MYO16: variants seen among roughly 807,000 people sequenced by gnomAD.
MYO16 encodes myosin XVI, also known as unconventional myosin-XVI.
A neutral mutation model predicts 205.3 loss-of-function variants in MYO16; 94 were observed. The ratio of observed to expected loss-of-function variants is 0.46; its 90% confidence interval spans 0.39 to 0.54. The LOEUF (loss-of-function observed/expected upper bound fraction) is 0.54, where lower values mean the gene tolerates loss of function less well. Among genes scored for constraint, MYO16 ranks in the 20% least tolerant of loss-of-function variants. The pLI is 0.00. For missense variants in MYO16, 2,315 were observed against 2,387.5 expected, an observed-to-expected ratio of 0.97 and a Z score of 0.63; for synonymous variants, 988 against 954.0, an observed-to-expected ratio of 1.04 and a Z score of -0.66.
intron 31 of MYO16, among the ~76,000 whole-genome samples, chr13:109,130,039 C>T (rs9559504): frequency 0.012 from 1,689 of 146,776 alleles, 16 homozygotes; most frequent in African/African-American, 0.034. Flanking sequence ...GATATATATA[C>T]ACACACACAC....
intron 4 of MYO16, among the ~76,000 whole-genome samples, chr13:108,763,372 C>T (rs940162866): frequency 3.9e-5 from 6 of 152,130 alleles, no homozygotes; most frequent in African/African-American, 1.2e-4. Context: ...GGGGATGCCC[C>T]ACCTAGTCTA....
intron 28 of MYO16, among the ~76,000 whole-genome samples, chr13:109,108,050 G>A (rs978683242): frequency 1.3e-5 from 2 of 152,070 alleles, no homozygotes; most frequent in African/African-American, 4.8e-5. Flanking sequence ...AATATTTGGT[G>A]CGTATTCATT....
At chr13:108,806,589 T>C in intron 6 of MYO16, 90 bp from the exon 7 acceptor site, 9 of 1,110,728 alleles carry the variant, frequency 8.1e-6, no homozygotes, top group Non-Finnish European at 1.1e-5. Context: ...ATCCACCATT[T>C]CATTAAGTAG....
At chr13:108,805,930 A>AAATAAATAAATAAATAAATT (rs1887099455) in intron 6 of MYO16, among the ~76,000 whole-genome samples, 1 of 147,718 alleles carries the variant, frequency 6.8e-6, no homozygotes, top group African/African-American at 2.5e-5. Flanking sequence ...CTACCAAAAT[A>AAATAAATAAATAAATAAATT]AATAAATAAA....
At chr13:109,039,793 G>A (rs1886825348) in intron 23 of MYO16, among the ~76,000 whole-genome samples, 1 of 151,838 alleles carries the variant, frequency 6.6e-6, no homozygotes, top group African/African-American at 2.4e-5. Flanking sequence ...CAGGAACGTA[G>A]GAGCAAAATA....
At chr13:108,617,684 A>G (rs1879397539) in intron 1 of MYO16, among the ~76,000 whole-genome samples, 1 of 152,144 alleles carries the variant, frequency 6.6e-6, no homozygotes, top group Non-Finnish European at 1.5e-5. Flanking sequence ...ACTAGGATCC[A>G]TGTTCAGTCC....
At chr13:108,851,880 G>C (rs1169591014) in intron 10 of MYO16, among the ~76,000 whole-genome samples, 1 of 152,060 alleles carries the variant, frequency 6.6e-6, no homozygotes, top group Admixed American at 6.6e-5. Flanking sequence ...GAATGTAGCA[G>C]CTCTTCCTCA....
In MYO16 at chr13:109,162,886, A is replaced by G. The variant is rs1878452209; in HGVS notation, c.5165-2015A>G. 6.6e-6 allele frequency among the ~76,000 whole-genome samples: 1 copy of G among 152,190 alleles called. No homozygotes were observed. Among genetic ancestry groups the G allele is most frequent in the South Asian group, 2.1e-4 (1 of 4,826 alleles). On this transcript the variant is annotated intron_variant, in intron 32 of 34. Transcript: ENST00000457511. This position sits in a 1 kb window ranked among gnomAD's most constrained non-coding sequence, Gnocchi z 4.6. ...GCCAAACTAGAGTTGACCACATTGA[A>G]TAAGTATTCTTTCAGTTTCAGCCCA... is the stretch of plus-strand genomic sequence containing the variant.
At chr13:108,801,554 A>C (rs371299908) in intron 6 of MYO16, among the ~76,000 whole-genome samples, 1 of 152,252 alleles carries the variant, frequency 6.6e-6, no homozygotes, top group Admixed American at 6.5e-5. Context: ...GAATTAGCCC[A>C]GTCAATGAAA....
chr13:109,120,919 A>G (rs1875958080), intron 29 of MYO16, among the ~76,000 whole-genome samples: 2 of 152,212 alleles, frequency 1.3e-5, no homozygotes, highest in East Asian at 1.9e-4. Flanking sequence ...GCATGGTGGG[A>G]CGCAACAATA....
chr13:108,499,122 T>C, the MYO16 span, among the ~76,000 whole-genome samples: 4 of 152,246 alleles, frequency 2.6e-5, no homozygotes, highest in African/African-American at 9.6e-5. Flanking sequence ...CATGAGTTAA[T>C]TGAGATCAAA....
At chr13:108,818,389 A>C (rs1285796850) in intron 7 of MYO16, among the ~76,000 whole-genome samples, 1 of 151,652 alleles carries the variant, frequency 6.6e-6, no homozygotes, top group Non-Finnish European at 1.5e-5. Context: ...GTCTCAAAAA[A>C]AAAATAATAA....
intron 7 of MYO16, among the ~76,000 whole-genome samples, chr13:108,808,497 G>A (rs1486459470): frequency 6.6e-6 from 1 of 151,716 alleles, no homozygotes; most frequent in Non-Finnish European, 1.5e-5. Context: ...ATTTTTAGTG[G>A]AGACAGGGTT....
chr13:109,169,955 C>T (rs1297458922), intron 33 of MYO16, among the ~76,000 whole-genome samples: 1 of 152,134 alleles, frequency 6.6e-6, no homozygotes, highest in Admixed American at 6.5e-5. Flanking sequence ...AACAGTGAAA[C>T]TCGACTCTGC....
At chr13:108,749,980 A>G (rs1484608677) in intron 4 of MYO16, among the ~76,000 whole-genome samples, 2 of 152,268 alleles carry the variant, frequency 1.3e-5, no homozygotes, top group Non-Finnish European at 2.9e-5. Context: ...ATGAGCAGAC[A>G]TGGATAGATC....
Position 109,141,027 on chromosome 13 carries a change from C to T in MYO16, c.4815C>T (p.Pro1605=). The T allele has an allele frequency of 1.5e-6, 2 of 1,329,640 alleles. No individual in the cohort carries two copies. Among genetic ancestry groups the T allele is most frequent in the South Asian group, 2.5e-5 (1 of 40,712 alleles). The allele number at this position is 1,329,640 out of a possible 1,614,324, so 82.4% of individuals were successfully genotyped here. Residue 1605 remains proline, a synonymous_variant, in exon 32 of 35, where the codon CCC becomes CCT. Coordinates refer to ENST00000457511, the MANE Select transcript of MYO16 (RefSeq NM_001198950.3). The surrounding 1 kb of genome is among the most constrained non-coding windows in gnomAD (Gnocchi z 4.1). ...PPPPPPPPGP[P]PAPYRPCAHL... ...CGCCCCCGCCCCCGCCCGGGCCGCC[C>T]CCCGCGCCCTACAGGCCCTGCGCGC... is the stretch of plus-strand genomic sequence containing the variant.
chr13:108,620,468 G>A (rs1879498831), intron 1 of MYO16, among the ~76,000 whole-genome samples: 1 of 152,140 alleles, frequency 6.6e-6, no homozygotes, highest in African/African-American at 2.4e-5. Context: ...CTGTTTTCAG[G>A]CATCCCAGAC....
chr13:109,070,842 G>A (rs1189962403), intron 27 of MYO16, among the ~76,000 whole-genome samples: 1 of 152,052 alleles, frequency 6.6e-6, no homozygotes, highest in Non-Finnish European at 1.5e-5. Context: ...ATATGTTTAG[G>A]GATAAAAACA....
At chr13:108,949,126 A>G (rs1169116684) in intron 16 of MYO16, among the ~76,000 whole-genome samples, 1 of 152,238 alleles carries the variant, frequency 6.6e-6, no homozygotes. Context: ...TACAATTGTA[A>G]CACATATTCA....
Sources: gnomAD v4.1 joint callset for allele counts (sites outside exome capture counted in the v4.1 genomes callset) on GRCh38, gnomAD v4.1.1 for gene constraint, Gnocchi (gnomAD v3.1) non-coding constraint, MANE v1.5 for transcripts, NCBI Gene and HGNC (gene_info 2026-07-23, HGNC 2026-07-21) for gene names.